The following NSD3 variants were observed in gnomAD, a reference collection of about 807,000 sequenced individuals.
NSD3 encodes nuclear receptor binding SET domain protein 3, also known as histone-lysine N-methyltransferase NSD3.
In NSD3, 24 loss-of-function variants were observed where a neutral mutation model predicts 160.8. The observed-to-expected ratio is 0.15, with a 90% CI of 0.11 to 0.21. The LOEUF (loss-of-function observed/expected upper bound fraction) is 0.21. Among genes scored for constraint, NSD3 ranks in the 10% least tolerant of loss-of-function variants. The probability of loss-of-function intolerance (pLI) is 1.00; values close to 1 mark genes in which losing one functional copy is unlikely to be tolerated. For missense variants in NSD3, 1,157 were observed against 1,735.9 expected, an observed-to-expected ratio of 0.67 and a Z score of 5.93; for synonymous variants, 520 against 600.0, an observed-to-expected ratio of 0.87 and a Z score of 1.95.
intron 4 of NSD3, chr8:38,336,202 G>A (rs973336167): frequency 4.6e-5 from 7 of 152,226 alleles, no homozygotes; most frequent in African/African-American, 1.7e-4. Context: ...ACTTGTCACA[G>A]ACAATGAGGA....
At chr8:38,296,080 G>T in intron 15 of NSD3, 128 bp from the exon 16 acceptor site, 1 of 957,350 alleles carries the variant, frequency 1.0e-6, no homozygotes, top group Non-Finnish European at 1.5e-6. Flanking sequence ...AAGGGACTGA[G>T]TCATATCTAC....
intron 12 of NSD3, among the ~76,000 whole-genome samples, chr8:38,307,863 G>A (rs1385558842): frequency 1.3e-5 from 2 of 152,188 alleles, no homozygotes; most frequent in East Asian, 3.8e-4. Flanking sequence ...TGTTTTACTT[G>A]TGTAATTAGA....
intron 11 of NSD3, 56 bp from the exon 12 acceptor site, chr8:38,314,829 T>C: frequency 6.4e-7 from 1 of 1,565,026 alleles, no homozygotes; most frequent in Non-Finnish European, 8.7e-7. Flanking sequence ...CAAGACCACA[T>C]GGGCGGCTTG....
chr8:38,366,242 AAAC>A (rs573943611), intron 1 of NSD3, among the ~76,000 whole-genome samples: 57 of 152,262 alleles, frequency 3.7e-4, no homozygotes, highest in African/African-American at 1.3e-3. Context: ...TCCAGCTTTC[AAAC>A]AACTATTACT....
At chr8:38,305,106 G>T in intron 13 of NSD3, 142 bp downstream of exon 13, 1 of 806,904 alleles carries the variant, frequency 1.2e-6, no homozygotes, top group Non-Finnish European at 1.9e-6. Flanking sequence ...AACATGTACT[G>T]TGTATGTACT....
Position 38,316,430 on chromosome 8 carries a change from T to C in NSD3, c.1856-388A>G, listed in dbSNP as rs1275631603. On this transcript the variant is annotated intron_variant, in intron 9 of 23. Transcript: ENST00000317025. The surrounding 1 kb of genome is among the most constrained non-coding windows in gnomAD (Gnocchi z 4.5). ...CAACACACTGTGTAGCTTACAAATATGGTTGCAGAGACATCTCCATCTTGT... is the reference window on the plus strand; with the variant it reads ...CAACACACTGTGTAGCTTACAAATACGGTTGCAGAGACATCTCCATCTTGT... 3 of 1,047,242 alleles carry C rather than the reference T, an allele frequency of 2.9e-6. No individual in the cohort carries two copies. The highest frequency in any genetic ancestry group is 3.5e-6 in the Non-Finnish European group (3 of 867,548). 64.9% of individuals were successfully genotyped at this position (1,047,242 alleles called of 1,614,324 possible). A position where few individuals can be genotyped will look rare whatever the true frequency, so the allele number is the denominator to read the frequency against.
In NSD3 at chr8:38,318,052, G is replaced by A; in HGVS notation, c.1855+843C>T. ...GGTCCGCCGACCCTGTGGAATGGTG[G>A]AAACACAACGCAATCAGGCCTCCTA... On this transcript the variant is annotated intron_variant, in intron 9 of 23. Transcript: ENST00000317025. The surrounding 1 kb of genome is among the most constrained non-coding windows in gnomAD (Gnocchi z 5.3). The A allele has an allele frequency of 6.2e-7, 1 of 1,613,974 alleles. No individual in the cohort carries two copies.
chr8:38,306,816 A>G (rs1809405509), intron 12 of NSD3, among the ~76,000 whole-genome samples: 1 of 152,172 alleles, frequency 6.6e-6, no homozygotes, highest in African/African-American at 2.4e-5. Flanking sequence ...GAAACCAGTT[A>G]TAAAACAGAA....
At chr8:38,320,609 A>T (rs1481668919) in intron 8 of NSD3, 1 of 152,170 alleles carries the variant, frequency 6.6e-6, no homozygotes, top group Non-Finnish European at 1.5e-5. Context: ...CGATATTAAC[A>T]GAAAAAACAG....
chr8:38,376,671 A>G (rs747633450), intron 1 of NSD3, among the ~76,000 whole-genome samples: 3 of 152,140 alleles, frequency 2.0e-5, no homozygotes, highest in Non-Finnish European at 4.4e-5. Flanking sequence ...TCCTGACCTC[A>G]GGTGATCCAC....
intron 1 of NSD3, among the ~76,000 whole-genome samples, chr8:38,366,415 A>ATTTTT (rs1399938867): frequency 1.7e-5 from 2 of 118,782 alleles, no homozygotes; most frequent in Non-Finnish European, 3.7e-5. Flanking sequence ...CATCTACTTA[A>ATTTTT]TTCTTTTTTT....
At chr8:38,292,370 G>C (rs1809017085) in intron 16 of NSD3, among the ~76,000 whole-genome samples, 1 of 152,244 alleles carries the variant, frequency 6.6e-6, no homozygotes, top group South Asian at 2.1e-4. Flanking sequence ...GTATTGGCCA[G>C]GTGTGGTGGC....
chr8:38,329,004 T>G lies in NSD3; in HGVS notation c.1581+374A>C, dbSNP rs1441404571. ...TTACAGTGGTTTTTATAACAATGGT[T>G]AATTCATATAATTGACAAAAATGAT... On this transcript the variant is annotated intron_variant, in intron 6 of 23. Transcript: ENST00000317025. The surrounding 1 kb of genome is among the most constrained non-coding windows in gnomAD (Gnocchi z 4.8). Among the ~76,000 whole-genome samples, 1 of 152,198 alleles carries G rather than the reference T, an allele frequency of 6.6e-6. No homozygotes were observed. Among genetic ancestry groups the G allele is most frequent in the Non-Finnish European group, 1.5e-5 (1 of 68,044 alleles).
intron 2 of NSD3, among the ~76,000 whole-genome samples, chr8:38,346,280 A>G (rs1810524986): frequency 6.8e-6 from 1 of 147,880 alleles, no homozygotes; most frequent in African/African-American, 2.5e-5. Context: ...CTATGTATAT[A>G]TACATATATA....
intron 1 of NSD3, among the ~76,000 whole-genome samples, chr8:38,379,385 C>A (rs1811483295): frequency 6.6e-6 from 1 of 151,412 alleles, no homozygotes; most frequent in Admixed American, 6.6e-5. Flanking sequence ...GCACTGATAG[C>A]TCATGCACAC....
chr8:38,340,596 C>T lies in NSD3; in HGVS notation c.676-1989G>A, dbSNP rs571478977. ...CAGGTGATCCACTTGCCTTGGCCTC[C>T]CAAAGTGCTGGAATTACAGGTGTGA... On this transcript the variant is annotated intron_variant, in intron 2 of 23. Coordinates refer to ENST00000317025, the MANE Select transcript of NSD3 (RefSeq NM_023034.2). 5.3e-5 allele frequency among the ~76,000 whole-genome samples: 8 copies of T among 152,260 alleles called. No individual in the cohort carries two copies. In the South Asian group the frequency reaches 1.7e-3, roughly 32 times the overall value.
chr8:38,338,467 C>T, intron 3 of NSD3, 69 bp downstream of exon 3: 1 of 1,258,146 alleles, frequency 7.9e-7, no homozygotes, highest in Non-Finnish European at 1.2e-6. Flanking sequence ...AATTGTGTTG[C>T]AATTCAATCA....
At chr8:38,338,730 A>G in intron 2 of NSD3, 123 bp from the exon 3 acceptor site, 2 of 761,914 alleles carry the variant, frequency 2.6e-6, no homozygotes, top group Non-Finnish European at 4.5e-6. Context: ...GGCATTTATT[A>G]ACTGAACAAT....
intron 1 of NSD3, among the ~76,000 whole-genome samples, chr8:38,357,570 A>G (rs376552602): frequency 1.3e-5 from 2 of 152,048 alleles, no homozygotes; most frequent in African/African-American, 4.8e-5. Flanking sequence ...TCAGAATGTC[A>G]TTTCCAAGAA....
Sources: gnomAD v4.1 joint callset for allele counts (sites outside exome capture counted in the v4.1 genomes callset) on GRCh38, gnomAD v4.1.1 for gene constraint, Gnocchi (gnomAD v3.1) non-coding constraint, MANE v1.5 for transcripts, NCBI Gene and HGNC (gene_info 2026-07-23, HGNC 2026-07-21) for gene names.